Variants in ATP8B4 observed in about 807,000 individuals in gnomAD.
ATP8B4 encodes the protein ATPase phospholipid transporting 8B4 (putative), also known as probable phospholipid-transporting ATPase IM.
In ATP8B4, 133 loss-of-function variants were observed where a neutral mutation model predicts 145.6. The ratio of observed to expected loss-of-function variants is 0.91; its 90% CI spans 0.79 to 1.05. The LOEUF is 1.05. Among genes scored for constraint, ATP8B4 ranks in the 50% least tolerant of loss-of-function variants. ATP8B4 has a pLI of 0.00. For synonymous variants in ATP8B4, 507 were observed against 492.9 expected, an observed-to-expected ratio of 1.03 and a Z score of -0.38; for missense variants, 1,458 against 1,425.2, an observed-to-expected ratio of 1.02 and a Z score of -0.37.
rs570093637 is a variant in ATP8B4 at position 49,906,306 on chromosome 15, G to A, written c.2142-5067C>T. Among the ~76,000 whole-genome samples the A allele has an allele frequency of 4.6e-5, 7 of 152,294 alleles. No homozygotes were observed. The East Asian group carries it at 1.2e-3, about 25-fold the overall frequency. On this transcript the variant is annotated intron_variant, in intron 20 of 27. Transcript: ENST00000284509. ...CACTGGGTAAAAACTATGCGTATGT[G>A]TAATTTTGAAACATATCGCTAGTTT...
chr15:50,069,346 G>A (rs8025221), intron 3 of ATP8B4, among the ~76,000 whole-genome samples: 2 of 151,996 alleles, frequency 1.3e-5, no homozygotes, highest in Admixed American at 6.5e-5. Context: ...AAACCTGTGC[G>A]ATGTCCTATA....
intron 1 of ATP8B4, among the ~76,000 whole-genome samples, chr15:50,176,710 G>A (rs972053685): frequency 2.0e-5 from 3 of 152,120 alleles, no homozygotes; most frequent in Admixed American, 6.5e-5. Flanking sequence ...TAGAAACAAT[G>A]ATGATTTCAT....
At chr15:50,000,616 T>A (rs1291682762) in intron 8 of ATP8B4, among the ~76,000 whole-genome samples, 1 of 152,172 alleles carries the variant, frequency 6.6e-6, no homozygotes, top group Non-Finnish European at 1.5e-5. Flanking sequence ...CCTGGTCAAA[T>A]AGATGGTTTA....
intron 6 of ATP8B4, among the ~76,000 whole-genome samples, chr15:50,032,440 G>A (rs113589571): frequency 1.3e-5 from 2 of 152,076 alleles, no homozygotes; most frequent in South Asian, 2.1e-4. Flanking sequence ...ATCATTGATG[G>A]GCATTTGGGT....
chr15:49,931,021 A>G, intron 16 of ATP8B4, 98 bp downstream of exon 16: 5 of 1,328,028 alleles, frequency 3.8e-6, no homozygotes, highest in Non-Finnish European at 5.2e-6. Flanking sequence ...CAAAACTATC[A>G]CAACCCTCAG....
At chr15:50,119,752 C>CTTTTTTTTTTT (rs572570694), upstream of ATP8B4, among the ~76,000 whole-genome samples, 19 of 91,604 alleles carry the variant, frequency 2.1e-4, 1 homozygote, top group African/African-American at 7.2e-4. Context: ...GTTTTTGTCA[C>CTTTTTTTTTTT]TTTTTTTTTT....
chr15:49,881,167 T>G (rs1229557902), intron 23 of ATP8B4, among the ~76,000 whole-genome samples: 1 of 151,904 alleles, frequency 6.6e-6, no homozygotes, highest in Non-Finnish European at 1.5e-5. Flanking sequence ...TTTGCCAATT[T>G]CCATGGTATA....
At chr15:49,864,907 G>A (rs1289539034) in intron 26 of ATP8B4, among the ~76,000 whole-genome samples, 3 of 152,182 alleles carry the variant, frequency 2.0e-5, no homozygotes, top group Non-Finnish European at 4.4e-5. Context: ...AGACATTAAT[G>A]CATAGTATAA....
intron 1 of ATP8B4, among the ~76,000 whole-genome samples, chr15:50,151,675 A>G (rs2044348958): frequency 6.8e-6 from 1 of 147,874 alleles, no homozygotes; most frequent in Non-Finnish European, 1.5e-5. Flanking sequence ...ACTTAAGCCC[A>G]GGATGTGGAG....
intron 2 of ATP8B4, among the ~76,000 whole-genome samples, chr15:50,105,161 C>T (rs1196254674): frequency 6.6e-6 from 1 of 150,588 alleles, no homozygotes; most frequent in Admixed American, 6.7e-5. Context: ...GTATACTGCT[C>T]AGGTGATGGG....
At chr15:49,969,340 G>A (rs954669027) in intron 13 of ATP8B4, among the ~76,000 whole-genome samples, 12 of 152,014 alleles carry the variant, frequency 7.9e-5, no homozygotes, top group African/African-American at 1.7e-4. Flanking sequence ...CCAGGAGCTG[G>A]TTTTTTGAAA....
intron 22 of ATP8B4, 57 bp downstream of exon 22, chr15:49,898,011 G>A: frequency 6.4e-7 from 1 of 1,572,720 alleles, no homozygotes; most frequent in Non-Finnish European, 8.7e-7. Flanking sequence ...ATTGCCAAAT[G>A]CTGAAACTGA....
At chr15:50,175,017 CAAAG>C (rs2044741225) in intron 1 of ATP8B4, among the ~76,000 whole-genome samples, 1 of 152,106 alleles carries the variant, frequency 6.6e-6, no homozygotes, top group Non-Finnish European at 1.5e-5. Context: ...TCATCTTTGA[CAAAG>C]CAAACAAAAA....
At chr15:50,168,727 G>T (rs546052342) in intron 1 of ATP8B4, among the ~76,000 whole-genome samples, 2 of 152,196 alleles carry the variant, frequency 1.3e-5, no homozygotes, top group Non-Finnish European at 1.5e-5. Context: ...AGACTTCACA[G>T]GTCAGGGAAG....
chr15:50,167,062 G>A (rs1002505499), intron 1 of ATP8B4, among the ~76,000 whole-genome samples: 32 of 152,130 alleles, frequency 2.1e-4, no homozygotes, highest in African/African-American at 7.2e-5. Flanking sequence ...GATTCTCACT[G>A]TTTCAGTGAA....
intron 6 of ATP8B4, among the ~76,000 whole-genome samples, chr15:50,037,412 T>G (rs762993291): frequency 1.3e-5 from 2 of 152,202 alleles, no homozygotes; most frequent in African/African-American, 4.8e-5. Flanking sequence ...CAAGACTACA[T>G]GGAGAATGCT....
chr15:49,913,989 T>A (rs903348539), intron 20 of ATP8B4, among the ~76,000 whole-genome samples: 1 of 152,062 alleles, frequency 6.6e-6, no homozygotes. Context: ...CTAACATTCA[T>A]ATGGAACCAA....
rs147839174 is a variant in ATP8B4 at position 50,180,684 on chromosome 15, G to A, written c.-43+1577C>T. 1.1e-3 allele frequency among the ~76,000 whole-genome samples: 174 copies of A among 152,262 alleles called. 1 individual carries two copies. Among genetic ancestry groups the A allele is most frequent in the African/African-American group, 3.9e-3 (160 of 41,544 alleles). On this transcript the variant is annotated intron_variant, in intron 1 of 3. Transcript: ENST00000558829. ...CATGAAAGAAGTGCACATGAGAATG[G>A]TTTCTGTCGGGCCCTCACTTTGGTT... is the stretch of plus-strand genomic sequence containing the variant.
rs564303248 is a variant in ATP8B4, at chr15:49,908,524, A to G, written c.2142-7285T>C. 8.5e-5 allele frequency among the ~76,000 whole-genome samples: 13 copies of G among 152,242 alleles called. No homozygotes were observed. In the East Asian group the frequency reaches 2.5e-3, roughly 29 times the overall value. ...CAATCTCACCACAGACTCCACTCCTAGCCATAGGAGAGCCTCTCAACCCTT... is the reference window on the plus strand; with the variant it reads ...CAATCTCACCACAGACTCCACTCCTGGCCATAGGAGAGCCTCTCAACCCTT... On this transcript the variant is annotated intron_variant, in intron 20 of 27. Coordinates refer to ENST00000284509, the MANE Select transcript of ATP8B4 (RefSeq NM_024837.4).
Sources: allele counts gnomAD v4.1 joint callset (sites outside exome capture counted in the v4.1 genomes callset), GRCh38; gene constraint gnomAD v4.1.1; transcripts MANE v1.5; gene names NCBI Gene and HGNC (gene_info 2026-07-23, HGNC 2026-07-21).